TMC1: variants seen among roughly 807,000 people sequenced by gnomAD.
TMC1 encodes transmembrane channel like 1.
Under a neutral mutation model 105.8 loss-of-function variants are expected in TMC1, and 84 were observed. That is an observed-to-expected ratio of 0.79 (90% CI 0.67 to 0.95). The LOEUF is 0.95. Ranked by LOEUF, TMC1 falls within the 40% of genes least tolerant of loss-of-function variation. The pLI is 0.00. For missense variants in TMC1, 817 were observed against 914.1 expected (o/e 0.89, Z 1.37); for synonymous variants, 315 against 311.5 (o/e 1.01, Z -0.12).
chr9:72,803,949 A>G (rs1828523878), intron 17 of TMC1, among the ~76,000 whole-genome samples: 1 of 152,250 alleles, frequency 6.6e-6, no homozygotes, highest in African/African-American at 2.4e-5. Context: ...TCATTGCAGC[A>G]CTATTCACAA....
intron 7 of TMC1, among the ~76,000 whole-genome samples, chr9:72,698,623 G>GTT (rs1826590322): frequency 6.6e-6 from 1 of 152,186 alleles, no homozygotes; most frequent in Non-Finnish European, 1.5e-5. Flanking sequence ...TGCAGAAAAG[G>GTT]TAAAAAGAGA....
intron 5 of TMC1, among the ~76,000 whole-genome samples, chr9:72,683,766 T>C (rs1374982865): frequency 1.2e-4 from 16 of 130,948 alleles, no homozygotes; most frequent in African/African-American, 4.3e-4. Context: ...TATATATATA[T>C]ATATATATGT....
intron 12 of TMC1, 128 bp downstream of exon 12, chr9:72,755,012 TAAGAAAGAAAGGAAAGA>T (rs1827650313): frequency 2.3e-6 from 1 of 434,868 alleles, no homozygotes; most frequent in Non-Finnish European, 4.3e-6. Flanking sequence ...CTGCTCCCTT[TAAGAAAGAAAGGAAAGA>T]AAGAAAGAAA....
rs1159862966 is a variant in TMC1, at chr9:72,792,033, A to C, written c.1372A>C (p.Ile458Leu). ...ALLLGNLYVF[I>L]LALMDEINNK... ...TCTTTTAGGCAATTTATACGTATTT[A>C]TTCTTGCATTAATGGATGAGATTAA... is the stretch of plus-strand genomic sequence containing the variant. The change falls in exon 16 of 24, where the codon ATT becomes CTT. Residue 458 changes from isoleucine to leucine, a missense_variant. By Grantham distance (5) the Ile-to-Leu change is conservative. Transcript: ENST00000297784. The C allele has an allele frequency of 1.9e-6, 3 of 1,614,128 alleles. No homozygotes were observed. Among genetic ancestry groups the C allele is most frequent in the Admixed American group, 3.3e-5 (2 of 60,028 alleles).
At chr9:72,689,218 T>C (rs912463563) in intron 6 of TMC1, among the ~76,000 whole-genome samples, 8 of 152,118 alleles carry the variant, frequency 5.3e-5, no homozygotes, top group Non-Finnish European at 1.2e-4. Context: ...TAGATTCTTC[T>C]TGGCCTCTCT....
chr9:72,624,311 G>A (rs1825307917), intron 3 of TMC1, among the ~76,000 whole-genome samples: 1 of 152,170 alleles, frequency 6.6e-6, no homozygotes, highest in Non-Finnish European at 1.5e-5. Context: ...ATCATCCTGA[G>A]CACATGGTTG....
chr9:72,754,946 C>A, intron 12 of TMC1, 62 bp downstream of exon 12: 1 of 1,318,862 alleles, frequency 7.6e-7, no homozygotes, highest in Non-Finnish European at 1.1e-6. Flanking sequence ...TTATTTTATT[C>A]TGAAACCCAC....
chr9:72,666,886 CCAAAA>C (rs111525479), intron 5 of TMC1, among the ~76,000 whole-genome samples: 86,009 of 147,732 alleles, frequency 0.58, 25,807 homozygotes, highest in Non-Finnish European at 0.66. Flanking sequence ...CCCATCTCTA[CCAAAA>C]CAAAACAAAA....
chr9:72,784,437 A>ACAAG (rs1828139066), intron 13 of TMC1, among the ~76,000 whole-genome samples: 1 of 148,444 alleles, frequency 6.7e-6, no homozygotes, highest in East Asian at 2.0e-4. Context: ...AAACAAACAA[A>ACAAG]AAACAGATGC....
intron 8 of TMC1, among the ~76,000 whole-genome samples, chr9:72,725,096 C>T (rs914945194): frequency 6.6e-6 from 1 of 151,558 alleles, no homozygotes; most frequent in African/African-American, 2.4e-5. Context: ...TTTTATGAAG[C>T]TTGTAACAAG....
At chr9:72,740,719 A>C (rs1183581588) in intron 9 of TMC1, among the ~76,000 whole-genome samples, 1 of 152,192 alleles carries the variant, frequency 6.6e-6, no homozygotes, top group Non-Finnish European at 1.5e-5. Context: ...TCTTTTATAA[A>C]GTTATATTTA....
intron 8 of TMC1, among the ~76,000 whole-genome samples, chr9:72,724,216 T>G (rs1827078332): frequency 6.6e-6 from 1 of 152,184 alleles, no homozygotes; most frequent in African/African-American, 2.4e-5. Context: ...GAAAGGAAAT[T>G]TATTGGGCTT....
chr9:72,574,666 G>A (rs1824344875), intron 1 of TMC1, among the ~76,000 whole-genome samples: 2 of 152,166 alleles, frequency 1.3e-5, no homozygotes, highest in South Asian at 4.1e-4. Flanking sequence ...TTAACTTAAG[G>A]TCGATAATGG....
intron 12 of TMC1, among the ~76,000 whole-genome samples, chr9:72,762,531 G>A (rs529283596): frequency 2.6e-5 from 4 of 152,164 alleles, no homozygotes; most frequent in Admixed American, 6.5e-5. Flanking sequence ...GCCTACCTCC[G>A]TGCTGGGTCA....
At chr9:72,705,967 C>T (rs1211986411) in intron 8 of TMC1, among the ~76,000 whole-genome samples, 1 of 152,196 alleles carries the variant, frequency 6.6e-6, no homozygotes, top group African/African-American at 2.4e-5. Flanking sequence ...ATTTCATTCA[C>T]ACTTAAACAG....
intron 23 of TMC1, among the ~76,000 whole-genome samples, chr9:72,833,880 G>T (rs1426277087): frequency 6.6e-6 from 1 of 152,034 alleles, no homozygotes; most frequent in Non-Finnish European, 1.5e-5. Flanking sequence ...AAGTTCTAGG[G>T]TCTCCTTATC....
At chr9:72,658,440 GC>G (rs1825917606) in intron 5 of TMC1, among the ~76,000 whole-genome samples, 1 of 151,970 alleles carries the variant, frequency 6.6e-6, no homozygotes, top group African/African-American at 2.4e-5. Context: ...TGCAGTGCAG[GC>G]CCTGACATAC....
At chr9:72,522,172 C>T (rs1184824369) in intron 1 of TMC1, among the ~76,000 whole-genome samples, 6 of 61,772 alleles carry the variant, frequency 9.7e-5, no homozygotes. Context: ...TTTTTTGAGA[C>T]GGAGTCTTGC....
intron 4 of TMC1, among the ~76,000 whole-genome samples, chr9:72,640,639 GTT>G (rs67426286): frequency 5.5e-5 from 8 of 146,716 alleles, no homozygotes; most frequent in African/African-American, 7.5e-5. Context: ...TTTGTTTTTT[GTT>G]TTTTTTTTTG....
Sources: allele counts gnomAD v4.1 joint callset (sites outside exome capture counted in the v4.1 genomes callset), GRCh38; gene constraint gnomAD v4.1.1; transcripts MANE v1.5; gene names NCBI Gene and HGNC (gene_info 2026-07-23, HGNC 2026-07-21).